CLEC16A: variants seen among roughly 807,000 people sequenced by gnomAD.
The protein encoded by CLEC16A is protein CLEC16A.
In CLEC16A, 51 loss-of-function variants were observed where a neutral mutation model predicts 109.5. The observed-to-expected ratio is 0.47, with a 90% CI of 0.37 to 0.59. CLEC16A has a LOEUF of 0.59. Ranked by LOEUF, CLEC16A falls within the 20% of genes least tolerant of loss-of-function variation. The pLI, the probability that CLEC16A is intolerant of heterozygous loss-of-function variation, is 0.00. For missense variants in CLEC16A, 1,339 were observed against 1,394.0 expected, an observed-to-expected ratio of 0.96 and a Z score of 0.63; for synonymous variants, 673 against 564.2, an observed-to-expected ratio of 1.19 and a Z score of -2.73.
At chr16:11,073,213 C>G (rs1452346223) in intron 19 of CLEC16A, among the ~76,000 whole-genome samples, 3 of 152,170 alleles carry the variant, frequency 2.0e-5, no homozygotes, top group South Asian at 2.1e-4. Flanking sequence ...GCCCCCACCC[C>G]CGGGGTCCCG....
chr16:11,104,457 CTA>C (rs1405449122), intron 19 of CLEC16A, among the ~76,000 whole-genome samples: 1 of 152,168 alleles, frequency 6.6e-6, no homozygotes, highest in East Asian at 1.9e-4. Context: ...ATTCTCTAGA[CTA>C]TGTCCTCTGC....
intron 1 of CLEC16A, among the ~76,000 whole-genome samples, chr16:10,950,668 A>G (rs2041681852): frequency 6.6e-6 from 1 of 152,200 alleles, no homozygotes; most frequent in Admixed American, 6.5e-5. Flanking sequence ...AACACTGACC[A>G]GATGGTGGTT....
chr16:11,139,985 G>A (rs1424433968), intron 22 of CLEC16A, among the ~76,000 whole-genome samples: 1 of 152,188 alleles, frequency 6.6e-6, no homozygotes, highest in Non-Finnish European at 1.5e-5. Flanking sequence ...TTATAGCTGG[G>A]GCAAGCAAGA....
At chr16:10,967,156 G>A (rs983186046) in intron 3 of CLEC16A, among the ~76,000 whole-genome samples, 1 of 152,150 alleles carries the variant, frequency 6.6e-6, no homozygotes, top group Non-Finnish European at 1.5e-5. Flanking sequence ...TCTGAATGCA[G>A]TGGCTTTCCC....
At chr16:11,120,222 T>A (rs573148427) in intron 19 of CLEC16A, among the ~76,000 whole-genome samples, 129 of 152,288 alleles carry the variant, frequency 8.5e-4, no homozygotes, top group African/African-American at 3.0e-3. Context: ...CCACCTGCCT[T>A]GGCCTCCCAA....
At chr16:11,164,238 C>G (rs1348653954) in intron 22 of CLEC16A, among the ~76,000 whole-genome samples, 1 of 152,198 alleles carries the variant, frequency 6.6e-6, no homozygotes, top group Non-Finnish European at 1.5e-5. Context: ...GACCGCCTCA[C>G]TCGGAGACTC....
At chr16:11,120,127 A>G (rs888339180) in intron 19 of CLEC16A, among the ~76,000 whole-genome samples, 4 of 152,078 alleles carry the variant, frequency 2.6e-5, no homozygotes, top group African/African-American at 7.2e-5. Flanking sequence ...CCACCACCAC[A>G]CCCAGCTAAT....
intron 18 of CLEC16A, among the ~76,000 whole-genome samples, chr16:11,052,239 T>G (rs1226514474): frequency 2.0e-5 from 3 of 152,116 alleles, no homozygotes; most frequent in Non-Finnish European, 4.4e-5. Flanking sequence ...ATCTCCCGGG[T>G]AAGATCAGAG....
rs368974368 is a variant in CLEC16A, at chr16:11,036,735, G to A, written c.1538-3019G>A. Among the ~76,000 whole-genome samples the A allele has an allele frequency of 2.1e-3, 326 of 152,052 alleles. 1 individual carries two copies. Among genetic ancestry groups the A allele is most frequent in the African/African-American group, 7.4e-3 (308 of 41,458 alleles). ...AGCTAATTTTTGTATTTTTAGTAGA[G>A]ACGGGGTTTCACCACATTGGCCAGG... On this transcript the variant is annotated intron_variant, in intron 13 of 23. Coordinates refer to ENST00000409790, the MANE Select transcript of CLEC16A (RefSeq NM_015226.3).
chr16:11,143,583 G>A (rs1346276870), intron 22 of CLEC16A, among the ~76,000 whole-genome samples: 1 of 152,212 alleles, frequency 6.6e-6, no homozygotes, highest in African/African-American at 2.4e-5. Context: ...AGCTACTGCT[G>A]TCAGCTGCAT....
At chr16:11,015,028 A>T (rs551344065) in intron 11 of CLEC16A, among the ~76,000 whole-genome samples, 1 of 152,350 alleles carries the variant, frequency 6.6e-6, no homozygotes, top group Non-Finnish European at 1.5e-5. Flanking sequence ...CCATGCCCAC[A>T]TAGCACTTTG....
chr16:11,140,827 G>C (rs933649047), intron 22 of CLEC16A, among the ~76,000 whole-genome samples: 2 of 152,172 alleles, frequency 1.3e-5, no homozygotes, highest in Non-Finnish European at 2.9e-5. Flanking sequence ...AGACCCCCCA[G>C]GTTCAAATCC....
At chr16:11,131,643 C>G (rs2153047705) in intron 22 of CLEC16A, among the ~76,000 whole-genome samples, 1 of 152,310 alleles carries the variant, frequency 6.6e-6, no homozygotes, top group African/African-American at 2.4e-5. Flanking sequence ...CCTGTTCCCA[C>G]CTGGTTTACC....
intron 17 of CLEC16A, among the ~76,000 whole-genome samples, chr16:11,050,773 G>A (rs929531853): frequency 3.9e-5 from 6 of 152,322 alleles, no homozygotes; most frequent in South Asian, 2.1e-4. Context: ...AGCACCTGCC[G>A]TCCAGCAGGA....
At chr16:10,946,774 C>T (rs2041401344) in intron 1 of CLEC16A, among the ~76,000 whole-genome samples, 1 of 152,144 alleles carries the variant, frequency 6.6e-6, no homozygotes, top group African/African-American at 2.4e-5. Context: ...TGTTAATTCC[C>T]TTAGTCCTCA....
chr16:11,129,854 C>G (rs1255739120), intron 22 of CLEC16A, among the ~76,000 whole-genome samples: 2 of 151,990 alleles, frequency 1.3e-5, no homozygotes, highest in African/African-American at 4.8e-5. Context: ...GCTCCGCCTC[C>G]CGGGTTCACA....
intron 7 of CLEC16A, among the ~76,000 whole-genome samples, chr16:10,973,363 G>A: frequency 6.6e-6 from 1 of 152,212 alleles, no homozygotes; most frequent in Non-Finnish European, 1.5e-5. Context: ...TTAACAAAAT[G>A]TAGTCTGTCT....
In CLEC16A at chr16:11,039,103, C is replaced by G. The variant is rs187967346; in HGVS notation, c.1538-651C>G. ...TACGGGAGTGGCCTCAGGTGGCCCT[C>G]AGACCTGGCACACAGTGGCAGTGAG... is the stretch of plus-strand genomic sequence containing the variant. On this transcript the variant is annotated intron_variant, in intron 13 of 23. Coordinates refer to ENST00000409790, the MANE Select transcript of CLEC16A (RefSeq NM_015226.3). Among the ~76,000 whole-genome samples the G allele has an allele frequency of 4.7e-3, 712 of 152,230 alleles. 4 individuals carry two copies. Among genetic ancestry groups the G allele is most frequent in the African/African-American group, 0.016 (676 of 41,534 alleles).
At chr16:11,122,158 C>G (rs1278427571) in intron 20 of CLEC16A, among the ~76,000 whole-genome samples, 1 of 152,198 alleles carries the variant, frequency 6.6e-6, no homozygotes, top group African/African-American at 2.4e-5. Context: ...GACCTGCTGT[C>G]TGTGTCCTGC....
Sources: allele counts gnomAD v4.1 joint callset (sites outside exome capture counted in the v4.1 genomes callset), GRCh38; gene constraint gnomAD v4.1.1; transcripts MANE v1.5; gene names NCBI Gene and HGNC (gene_info 2026-07-23, HGNC 2026-07-21).